Variants in HOATZ observed in about 807,000 individuals in gnomAD.
The protein encoded by HOATZ is HOATZ cilia and flagella associated protein.
In HOATZ, 26 loss-of-function variants were observed where a neutral mutation model predicts 24.9. The observed-to-expected ratio is 1.04, with a 90% confidence interval of 0.76 to 1.45. The LOEUF is 1.45. Among genes scored for constraint, HOATZ ranks in the 40% most tolerant of loss-of-function variants. The probability of loss-of-function intolerance (pLI) is 0.00; values close to 1 mark genes in which losing one functional copy is unlikely to be tolerated. For missense variants in HOATZ, 226 were observed against 201.5 expected, an observed-to-expected ratio of 1.12 and a Z score of -0.74; for synonymous variants, 83 against 76.6, an observed-to-expected ratio of 1.08 and a Z score of -0.43.
At chr11:111,516,677 A>G (rs1213067900) in intron 3 of HOATZ, among the ~76,000 whole-genome samples, 1 of 152,214 alleles carries the variant, frequency 6.6e-6, no homozygotes, top group Non-Finnish European at 1.5e-5. Flanking sequence ...TGATCTCACC[A>G]CTGCACTTCA....
chr11:111,517,989 T>TC (rs1489442494), intron 3 of HOATZ, among the ~76,000 whole-genome samples: 4 of 152,140 alleles, frequency 2.6e-5, no homozygotes, highest in African/African-American at 9.7e-5. Flanking sequence ...CCTATCACTC[T>TC]CCCCGCTTTC....
chr11:111,515,545 G>T lies in HOATZ; in HGVS notation c.261G>T (p.Ala87=). ...NSHSSQSFHL[A]SNKNRDIFAE... ...ACTCCTCGCAGTCTTTTCACCTTGC[G>T]AGTAACAGTAAGTACCAAGTTTTAT... Residue 87 remains alanine, a synonymous_variant, in exon 2 of 6, where the codon GCG becomes GCT. Coordinates refer to ENST00000375618, the MANE Select transcript of HOATZ (RefSeq NM_001100388.2). 6.2e-7 allele frequency: 1 copy of T among 1,613,056 alleles called. No individual in the cohort carries two copies. Among genetic ancestry groups the T allele is most frequent in the East Asian group, 2.2e-5 (1 of 44,860 alleles).
intron 5 of HOATZ, chr11:111,535,501 T>C (rs1418225781): frequency 6.6e-6 from 1 of 152,240 alleles, no homozygotes; most frequent in Non-Finnish European, 1.5e-5. Context: ...CTGACTCACC[T>C]AATAATAAAA....
At chr11:111,515,066 C>T in intron 1 of HOATZ, 56 bp downstream of exon 1, 2 of 1,296,756 alleles carry the variant, frequency 1.5e-6, no homozygotes, top group Non-Finnish European at 2.2e-6. Flanking sequence ...AACTGGCCTG[C>T]AGGTACCAGA....
intron 3 of HOATZ, among the ~76,000 whole-genome samples, chr11:111,520,893 T>C (rs1239705489): frequency 1.3e-5 from 2 of 152,202 alleles, no homozygotes; most frequent in Non-Finnish European, 2.9e-5. Flanking sequence ...TGTGCTCTAT[T>C]TCATTATTAG....
chr11:111,518,599 A>C lies in HOATZ; in HGVS notation c.339+2489A>C, dbSNP rs184172957. Among the ~76,000 whole-genome samples, 898 of 152,344 alleles carry C rather than the reference A, an allele frequency of 5.9e-3. 9 individuals are homozygous for C. Among genetic ancestry groups the C allele is most frequent in the Non-Finnish European group, 7.7e-3 (524 of 68,026 alleles). ...TGGCAGAGCAGATTCAAAGCCTGCA[A>C]TCCTAACTCCAAAGTCCATGAAATT... On this transcript the variant is annotated intron_variant, in intron 3 of 5. Coordinates refer to ENST00000375618, the MANE Select transcript of HOATZ (RefSeq NM_001100388.2).
intron 3 of HOATZ, among the ~76,000 whole-genome samples, chr11:111,522,597 T>C (rs1222649458): frequency 1.3e-5 from 2 of 152,306 alleles, no homozygotes; most frequent in East Asian, 3.9e-4. Context: ...TCACATAAAG[T>C]GTGGTCAAGA....
At chr11:111,521,963 GCACACTGCCTA>G (rs1056347252) in intron 3 of HOATZ, among the ~76,000 whole-genome samples, 3 of 152,078 alleles carry the variant, frequency 2.0e-5, no homozygotes, top group African/African-American at 7.2e-5. Flanking sequence ...GCTACTCTGG[GCACACTGCCTA>G]CGGGGTAGCC....
intron 3 of HOATZ, among the ~76,000 whole-genome samples, chr11:111,529,725 CA>C (rs1348018225): frequency 1.3e-5 from 2 of 152,088 alleles, no homozygotes; most frequent in Non-Finnish European, 2.9e-5. Flanking sequence ...GAAAGAAATG[CA>C]GTTTGTATAT....
intron 5 of HOATZ, chr11:111,534,805 G>T: frequency 4.8e-6 from 1 of 209,602 alleles, no homozygotes. Context: ...TCCACACCTG[G>T]CCCACTTCTT....
intron 1 of HOATZ, 168 bp downstream of exon 1, chr11:111,515,178 C>A (rs981107794): frequency 4.9e-6 from 3 of 613,952 alleles, no homozygotes; most frequent in Middle Eastern, 3.2e-4. Context: ...CCCTTCCACC[C>A]GAAAAGGATC....
chr11:111,517,994 G>T lies in HOATZ; in HGVS notation c.339+1884G>T, dbSNP rs559362988. Among the ~76,000 whole-genome samples, 3 of 151,992 alleles carry T rather than the reference G, an allele frequency of 2.0e-5. No homozygotes were observed. In the East Asian group the frequency reaches 5.8e-4, roughly 29 times the overall value. On this transcript the variant is annotated intron_variant, in intron 3 of 5. Transcript: ENST00000375618. ...CCTGTCTTCTCCTATCACTCTCCCC[G>T]CTTTCTCCTATGCTCTCTCCCCAAC...
intron 3 of HOATZ, among the ~76,000 whole-genome samples, chr11:111,519,888 C>T: frequency 6.6e-6 from 1 of 152,038 alleles, no homozygotes; most frequent in East Asian, 1.9e-4. Flanking sequence ...TTTTAACTCT[C>T]CTCAACGGAT....
intron 3 of HOATZ, among the ~76,000 whole-genome samples, chr11:111,529,400 T>C (rs976008634): frequency 3.9e-5 from 6 of 152,260 alleles, no homozygotes; most frequent in African/African-American, 1.4e-4. Flanking sequence ...AGTCTCACTC[T>C]GTCGCCAGGC....
chr11:111,517,111 A>G (rs1484588602), intron 3 of HOATZ, among the ~76,000 whole-genome samples: 1 of 152,228 alleles, frequency 6.6e-6, no homozygotes, highest in Non-Finnish European at 1.5e-5. Flanking sequence ...AAATTACAAA[A>G]CAATGCATTT....
intron 3 of HOATZ, among the ~76,000 whole-genome samples, chr11:111,517,993 C>T (rs1317358391): frequency 3.3e-5 from 5 of 152,200 alleles, no homozygotes; most frequent in African/African-American, 7.2e-5. Flanking sequence ...TCACTCTCCC[C>T]GCTTTCTCCT....
At chr11:111,517,996 T>C (rs1352454678) in intron 3 of HOATZ, among the ~76,000 whole-genome samples, 1 of 152,202 alleles carries the variant, frequency 6.6e-6, no homozygotes, top group Non-Finnish European at 1.5e-5. Flanking sequence ...CTCTCCCCGC[T>C]TTCTCCTATG....
At chr11:111,517,216 TTAGAA>T (rs1160122826) in intron 3 of HOATZ, among the ~76,000 whole-genome samples, 1 of 152,098 alleles carries the variant, frequency 6.6e-6, no homozygotes, top group Admixed American at 6.5e-5. Flanking sequence ...TATTCTCTCT[TTAGAA>T]TATTATGTAC....
intron 3 of HOATZ, among the ~76,000 whole-genome samples, chr11:111,521,609 C>A (rs1867269717): frequency 6.6e-6 from 1 of 152,180 alleles, no homozygotes; most frequent in Non-Finnish European, 1.5e-5. Flanking sequence ...TGGTGGATTT[C>A]CCCTTCACCA....
Sources: allele counts gnomAD v4.1 joint callset (sites outside exome capture counted in the v4.1 genomes callset), GRCh38; gene constraint gnomAD v4.1.1; transcripts MANE v1.5; gene names NCBI Gene and HGNC (gene_info 2026-07-23, HGNC 2026-07-21).